LPAR3: variants seen among roughly 807,000 people sequenced by gnomAD.
LPAR3 encodes lysophosphatidic acid receptor 3.
Under a neutral mutation model 17.8 loss-of-function variants are expected in LPAR3, and 7 were observed. That is an observed-to-expected ratio of 0.39 (90% confidence interval 0.22 to 0.74). The LOEUF (loss-of-function observed/expected upper bound fraction) is 0.74. Among genes scored for constraint, LPAR3 ranks in the 30% least tolerant of loss-of-function variants. The probability of loss-of-function intolerance (pLI) is 0.40; values close to 1 mark genes in which losing one functional copy is unlikely to be tolerated. For missense variants in LPAR3, 391 were observed against 453.4 expected (o/e 0.86, Z 1.25); for synonymous variants, 179 against 179.9 (o/e 0.99, Z 0.04).
At chr1:84,870,964 C>A (rs1201730682) in intron 1 of LPAR3, among the ~76,000 whole-genome samples, 1 of 152,132 alleles carries the variant, frequency 6.6e-6, no homozygotes, top group African/African-American at 2.4e-5. Context: ...AAATAGAGGG[C>A]ATTCTAAATA....
chr1:84,827,722 C>A (rs1323320316), intron 2 of LPAR3, among the ~76,000 whole-genome samples: 1 of 152,136 alleles, frequency 6.6e-6, no homozygotes, highest in Non-Finnish European at 1.5e-5. Flanking sequence ...AGAACTGCAA[C>A]TAAATAAAGT....
intron 2 of LPAR3, among the ~76,000 whole-genome samples, chr1:84,859,876 A>G (rs1377114932): frequency 1.3e-5 from 2 of 152,340 alleles, no homozygotes; most frequent in Non-Finnish European, 2.9e-5. Context: ...CACAGTTCAC[A>G]TGGTGTGTTG....
intron 1 of LPAR3, among the ~76,000 whole-genome samples, chr1:84,873,232 T>C (rs1536116): frequency 0.66 from 100,444 of 152,056 alleles, 33,973 homozygotes; most frequent in African/African-American, 0.8. Flanking sequence ...AACATATCCC[T>C]ATCAGTTCAT....
At chr1:84,824,219 T>C (rs1009825023) in intron 2 of LPAR3, among the ~76,000 whole-genome samples, 6 of 152,112 alleles carry the variant, frequency 3.9e-5, no homozygotes, top group African/African-American at 1.4e-4. Context: ...GAAAGGAGTA[T>C]GAATGAAGTG....
At chr1:84,835,085 T>G (rs930692652) in intron 2 of LPAR3, among the ~76,000 whole-genome samples, 1 of 152,252 alleles carries the variant, frequency 6.6e-6, no homozygotes, top group African/African-American at 2.4e-5. Flanking sequence ...TCTTCTCTGG[T>G]GACACTCCCC....
intron 2 of LPAR3, among the ~76,000 whole-genome samples, chr1:84,831,841 T>C (rs1659289925): frequency 6.7e-6 from 1 of 149,238 alleles, no homozygotes; most frequent in African/African-American, 2.4e-5. Flanking sequence ...CATATATATA[T>C]ATATAATATA....
intron 2 of LPAR3, among the ~76,000 whole-genome samples, chr1:84,832,140 G>A (rs1460520143): frequency 2.6e-5 from 4 of 152,022 alleles, no homozygotes; most frequent in African/African-American, 9.7e-5. Context: ...AGGACCACCT[G>A]CGCTAACAGT....
chr1:84,885,734 A>G (rs1022825597), intron 1 of LPAR3, among the ~76,000 whole-genome samples: 1 of 152,224 alleles, frequency 6.6e-6, no homozygotes, highest in Non-Finnish European at 1.5e-5. Context: ...GCAGCCGAGG[A>G]CAAGAGGCAG....
intron 2 of LPAR3, among the ~76,000 whole-genome samples, chr1:84,837,316 T>A (rs891422729): frequency 6.6e-6 from 1 of 152,228 alleles, no homozygotes; most frequent in African/African-American, 2.4e-5. Flanking sequence ...CCACCGCTCC[T>A]GGCTACTTTA....
At chr1:84,846,639 C>T (rs1341340138) in intron 2 of LPAR3, among the ~76,000 whole-genome samples, 1 of 152,080 alleles carries the variant, frequency 6.6e-6, no homozygotes, top group Non-Finnish European at 1.5e-5. Context: ...AGTGAGAAGT[C>T]TCCTGGTGTT....
At chr1:84,815,900 T>C (rs1038674377) in intron 2 of LPAR3, among the ~76,000 whole-genome samples, 1 of 152,210 alleles carries the variant, frequency 6.6e-6, no homozygotes, top group African/African-American at 2.4e-5. Context: ...CCCTTTTTTC[T>C]CCACCTTGTA....
intron 1 of LPAR3, among the ~76,000 whole-genome samples, chr1:84,892,221 A>G (rs1423751087): frequency 8.5e-6 from 1 of 118,106 alleles, no homozygotes; most frequent in Non-Finnish European, 1.8e-5. Context: ...TCAAAAATAA[A>G]TAAATAAATA....
intron 2 of LPAR3, among the ~76,000 whole-genome samples, chr1:84,837,475 C>T (rs1016100260): frequency 3.3e-5 from 5 of 152,054 alleles, no homozygotes; most frequent in Admixed American, 6.6e-5. Context: ...GAGTCTTTTC[C>T]CACTATAGAA....
chr1:84,875,827 C>T (rs906198818), intron 1 of LPAR3, among the ~76,000 whole-genome samples: 2 of 152,154 alleles, frequency 1.3e-5, no homozygotes, highest in African/African-American at 4.8e-5. Flanking sequence ...TAACCTGTCT[C>T]CTGTCTCCTA....
chr1:84,881,429 G>T (rs1238014830), intron 1 of LPAR3, among the ~76,000 whole-genome samples: 2 of 152,208 alleles, frequency 1.3e-5, no homozygotes, highest in African/African-American at 2.4e-5. Context: ...AGTGCTTAAG[G>T]AAATGCTTAG....
chr1:84,833,329 T>A (rs1257443216), intron 2 of LPAR3, among the ~76,000 whole-genome samples: 1 of 152,224 alleles, frequency 6.6e-6, no homozygotes, highest in Non-Finnish European at 1.5e-5. Context: ...ATTTGGCATT[T>A]TTACCTAATG....
chr1:84,878,889 C>T (rs181039528), intron 1 of LPAR3, among the ~76,000 whole-genome samples: 1 of 152,280 alleles, frequency 6.6e-6, no homozygotes, highest in African/African-American at 2.4e-5. Context: ...CTGCTGAAGC[C>T]ACTTTACCTG....
chr1:84,843,150 T>A lies in LPAR3; in HGVS notation c.736+22235A>T, dbSNP rs143073875. ...ACAAGTGCAACGCCTGTGGAGGGTC[T>A]GGCCTGCAGAAAATCTAACTCCTGT... On this transcript the variant is annotated intron_variant, in intron 2 of 2. Coordinates refer to ENST00000370611, the MANE Select transcript of LPAR3 (RefSeq NM_012152.3). 5.9e-5 allele frequency among the ~76,000 whole-genome samples: 9 copies of A among 152,322 alleles called. No individual in the cohort carries two copies. The East Asian group carries it at 1.7e-3, about 29-fold the overall frequency.
chr1:84,836,634 A>G lies in LPAR3; in HGVS notation c.737-22463T>C, dbSNP rs1318838153. Among the ~76,000 whole-genome samples the G allele has an allele frequency of 3.3e-5, 5 of 152,230 alleles. No homozygotes were observed. In the East Asian group the frequency reaches 7.7e-4, roughly 23 times the overall value. ...TATTTGGAATTTAATTTAGAAAATTAGAACAAAATCTTAAAATCATAGTTC... is the reference window on the plus strand; with the variant it reads ...TATTTGGAATTTAATTTAGAAAATTGGAACAAAATCTTAAAATCATAGTTC... On this transcript the variant is annotated intron_variant, in intron 2 of 2. Coordinates refer to ENST00000370611, the MANE Select transcript of LPAR3 (RefSeq NM_012152.3).
Sources: gnomAD v4.1 joint callset for allele counts (sites outside exome capture counted in the v4.1 genomes callset) on GRCh38, gnomAD v4.1.1 for gene constraint, MANE v1.5 for transcripts, NCBI Gene and HGNC (gene_info 2026-07-23, HGNC 2026-07-21) for gene names.